The following DBH variants were observed in gnomAD, a reference collection of about 807,000 sequenced individuals.
The protein encoded by DBH is dopamine beta-hydroxylase, also known as dopamine beta-hydroxylase (dopamine beta-monooxygenase).
A neutral mutation model predicts 64.0 loss-of-function variants in DBH; 49 were observed. The ratio of observed to expected loss-of-function variants is 0.77; its 90% CI spans 0.61 to 0.97. DBH has a LOEUF of 0.97. Among genes scored for constraint, DBH ranks in the 50% least tolerant of loss-of-function variants. The probability of loss-of-function intolerance (pLI) is 0.00; values close to 1 mark genes in which losing one functional copy is unlikely to be tolerated. For missense variants in DBH, 828 were observed against 826.6 expected (o/e 1.00, Z -0.02); for synonymous variants, 343 against 347.1 (o/e 0.99, Z 0.13).
chr9:133,642,506 C>G (rs1302031574), intron 3 of DBH, 42 bp downstream of exon 3: 1 of 1,566,810 alleles, frequency 6.4e-7, no homozygotes, highest in African/African-American at 1.3e-5. Context: ...CCAGCCCTGC[C>G]TTCCTCCCGG....
At chr9:133,650,458 T>C (rs61629543) in intron 6 of DBH, among the ~76,000 whole-genome samples, 2 of 146,124 alleles carry the variant, frequency 1.4e-5, no homozygotes, top group African/African-American at 5.5e-5. Context: ...TTCTTTCCTT[T>C]CTTTTCTTTT....
chr9:133,645,134 C>T (rs1346078285), intron 5 of DBH, among the ~76,000 whole-genome samples: 2 of 152,168 alleles, frequency 1.3e-5, no homozygotes, highest in Non-Finnish European at 2.9e-5. Flanking sequence ...GATGACCTCA[C>T]CCGCTGCCTG....
At chr9:133,652,146 A>G in intron 7 of DBH, 100 bp from the exon 8 acceptor site, 1 of 1,382,072 alleles carries the variant, frequency 7.2e-7, no homozygotes, top group Non-Finnish European at 1.0e-6. Context: ...GGACACCCCC[A>G]GAGGTCAGGG....
At chr9:133,657,379 T>TAGACAGCC (rs1325270764) in intron 11 of DBH, 150 bp downstream of exon 11, 1 of 796,638 alleles carries the variant, frequency 1.3e-6, no homozygotes, top group Admixed American at 2.3e-5. Flanking sequence ...CACATAGGCC[T>TAGACAGCC]AGACAGCCAG....
chr9:133,643,988 G>T lies in DBH; in HGVS notation c.922-230G>T, dbSNP rs754327710. ...TCTAGAGAAGGGGTTTTGGGGGAAG[G>T]CTCAGCCCTAGGCACCAGCTCCTCT... On this transcript the variant is annotated intron_variant, in intron 4 of 11. Transcript: ENST00000393056. This position sits in a 1 kb window ranked among gnomAD's most constrained non-coding sequence, Gnocchi z 5.3. Among the ~76,000 whole-genome samples the T allele has an allele frequency of 2.0e-5, 3 of 152,124 alleles. No individual in the cohort carries two copies. The highest frequency in any genetic ancestry group is 1.3e-4 in the Admixed American group (2 of 15,282).
At position 133,658,515 on chromosome 9, in the gene DBH, C is replaced by G; in HGVS notation, c.*68C>G. On this transcript the variant is annotated 3_prime_UTR_variant, in exon 12 of 12. Transcript: ENST00000393056. ...GCTCACACCGGCACTGTGCACTCTA[C>G]TCTGCGACGATCCCCATGGAACAGC... 1 of 1,479,210 alleles carries G rather than the reference C, an allele frequency of 6.8e-7. No individual in the cohort carries two copies. 91.6% of individuals were successfully genotyped at this position (1,479,210 alleles called of 1,614,324 possible). A position where few individuals can be genotyped will look rare whatever the true frequency, so the allele number is the denominator to read the frequency against.
At chr9:133,651,073 C>A (rs1832242605) in intron 6 of DBH, among the ~76,000 whole-genome samples, 1 of 152,192 alleles carries the variant, frequency 6.6e-6, no homozygotes, top group Non-Finnish European at 1.5e-5. Flanking sequence ...AGCTACAGCT[C>A]CCAGCTGTAG....
chr9:133,653,633 G>A (rs986029416), intron 9 of DBH, among the ~76,000 whole-genome samples: 3 of 152,162 alleles, frequency 2.0e-5, no homozygotes, highest in Non-Finnish European at 4.4e-5. Flanking sequence ...GGAGGAGAGG[G>A]TGGAGACATG....
intron 1 of DBH, among the ~76,000 whole-genome samples, chr9:133,638,637 G>T (rs1009126881): frequency 1.3e-5 from 2 of 152,136 alleles, no homozygotes; most frequent in African/African-American, 4.8e-5. Context: ...GGTGGAGGAG[G>T]TAGCTAGGGA....
intron 1 of DBH, among the ~76,000 whole-genome samples, chr9:133,638,137 G>A (rs1832074448): frequency 6.6e-6 from 1 of 152,260 alleles, no homozygotes; most frequent in Non-Finnish European, 1.5e-5. Flanking sequence ...TCCGTGCACT[G>A]GCAAGGTTAA....
rs1465499287 is a variant in DBH, at chr9:133,636,445, C to T, written c.74C>T (p.Ala25Val). 6.2e-7 allele frequency: 1 copy of T among 1,612,948 alleles called. No individual in the cohort carries two copies. Among genetic ancestry groups the T allele is most frequent in the East Asian group, 2.2e-5 (1 of 44,868 alleles). ...MREAAFMYST[A>V]VAIFLVILVA... is the part of the protein sequence containing the mutation. ...GAGGCAGCCTTCATGTACAGCACAG[C>T]AGTGGCCATCTTCCTGGTCATCCTG... is the stretch of plus-strand genomic sequence containing the variant. Residue 25 changes from alanine to valine, a missense_variant, in exon 1 of 12, where the codon GCA becomes GTA. Coordinates refer to ENST00000393056, the MANE Select transcript of DBH (RefSeq NM_000787.4).
Position 133,658,628 on chromosome 9 carries a change from T to C in DBH, c.*181T>C, listed in dbSNP as rs977772564. On this transcript the variant is annotated 3_prime_UTR_variant, in exon 12 of 12. Transcript: ENST00000393056. ...CCTTCTTCCCCCAGGGTCCCCTGCA[T>C]GGCTGAGAGGGTGTGGGTGCCCTGT... The C allele has an allele frequency of 5.8e-6, 4 of 692,770 alleles. No homozygotes were observed. In the Admixed American group the frequency reaches 9.7e-5, roughly 17 times the overall value. 42.9% of individuals were successfully genotyped at this position (692,770 alleles called of 1,614,324 possible).
At chr9:133,638,609 C>T (rs1832079487) in intron 1 of DBH, among the ~76,000 whole-genome samples, 1 of 151,854 alleles carries the variant, frequency 6.6e-6, no homozygotes, top group Non-Finnish European at 1.5e-5. Context: ...GCAATATTGG[C>T]CTGGGGTGTG....
chr9:133,636,742 C>T (rs372827320), intron 1 of DBH, 32 bp downstream of exon 1: 6 of 1,580,062 alleles, frequency 3.8e-6, no homozygotes, highest in Non-Finnish European at 4.3e-6. Context: ...GCTCTCCAAA[C>T]CCTTCCTGAC....
At chr9:133,656,795 A>G in intron 10 of DBH, 145 bp downstream of exon 10, 1 of 1,126,352 alleles carries the variant, frequency 8.9e-7, no homozygotes, top group South Asian at 1.3e-5. Context: ...CCCTCCCCTC[A>G]CTCGTTTCCT....
At chr9:133,656,394 A>G in intron 9 of DBH, 129 bp from the exon 10 acceptor site, 4 of 1,327,444 alleles carry the variant, frequency 3.0e-6, no homozygotes, top group Non-Finnish European at 4.2e-6. Flanking sequence ...TCGGTTCCCC[A>G]GAGCATGCCT....
intron 1 of DBH, among the ~76,000 whole-genome samples, chr9:133,637,036 A>T (rs576677823): frequency 6.6e-6 from 1 of 152,280 alleles, no homozygotes; most frequent in East Asian, 1.9e-4. Flanking sequence ...CCACACGCGC[A>T]TGAGCACAGA....
rs1403126500 is a variant in DBH at position 133,639,917 on chromosome 9, G to C, written c.411G>C (p.Gln137His). 3.1e-6 allele frequency: 5 copies of C among 1,613,696 alleles called. No homozygotes were observed. In the East Asian group the frequency reaches 8.9e-5, roughly 29 times the overall value. The change falls in exon 2 of 12, where the codon CAG (glutamine) becomes CAC (histidine). Residue 137 changes from glutamine (Q) to histidine (H), a missense_variant. Coordinates refer to ENST00000393056, the MANE Select transcript of DBH (RefSeq NM_000787.4). The part of the protein sequence containing the change: ...PQQDYQLLQV[Q>H]RTPEGLTLLF... ...AGGACTACCAGCTGCTGCAGGTGCA[G>C]AGGACCCCAGAAGGCCTGACCCTGC...
chr9:133,642,655 C>A (rs1832131414), intron 3 of DBH, among the ~76,000 whole-genome samples, 191 bp downstream of exon 3: 1 of 152,158 alleles, frequency 6.6e-6, no homozygotes, highest in South Asian at 2.1e-4. Flanking sequence ...CTGCTCACTC[C>A]CCTACCCTCA....
Sources: gnomAD v4.1 joint callset for allele counts (sites outside exome capture counted in the v4.1 genomes callset) on GRCh38, gnomAD v4.1.1 for gene constraint, Gnocchi (gnomAD v3.1) non-coding constraint, MANE v1.5 for transcripts, NCBI Gene and HGNC (gene_info 2026-07-23, HGNC 2026-07-21) for gene names.